The following TRPC5 variants were observed in gnomAD, a reference collection of about 807,000 sequenced individuals.
TRPC5 encodes transient receptor potential cation channel subfamily C member 5.
Under a neutral mutation model 56.5 loss-of-function variants are expected in TRPC5, and 9 were observed. The observed-to-expected ratio is 0.16, with a 90% CI of 0.10 to 0.28. The LOEUF is 0.28. TRPC5 is among the 10% of genes least tolerant of loss of function. TRPC5 has a pLI of 1.00. For missense variants in TRPC5, 469 were observed against 748.9 expected (o/e 0.63, Z 4.36); for synonymous variants, 282 against 278.5 (o/e 1.01, Z -0.13).
At position 111,974,258 on chromosome X, in the gene TRPC5, G is replaced by A. The variant is rs141891078; in HGVS notation, c.-21-21817C>T. 8.1e-3 allele frequency among the ~76,000 whole-genome samples: 903 copies of A among 111,744 alleles called. 9 individuals carry two copies. Among genetic ancestry groups the A allele is most frequent in the African/African-American group, 0.028 (851 of 30,713 alleles). ...ACCTTGAGAGAGTTTCCAGGTCATG[G>A]TTCAGGGAGAGGGAACTGAAGCAGA... On this transcript the variant is annotated intron_variant, in intron 1 of 10. Transcript: ENST00000262839.
chrX:111,892,832 C>T (rs1165432118), intron 3 of TRPC5, among the ~76,000 whole-genome samples: 1 of 111,773 alleles, frequency 8.9e-6, no homozygotes, highest in Non-Finnish European at 1.9e-5. Context: ...CCATGGGCAG[C>T]TATTCACTAG....
intron 7 of TRPC5, among the ~76,000 whole-genome samples, chrX:111,825,134 CCTTCCTTCCTTCCTTT>C (rs1261600927): frequency 1.3e-5 from 1 of 74,295 alleles, no homozygotes; most frequent in Non-Finnish European, 2.2e-5. Flanking sequence ...TCTTTTCCTT[CCTTCCTTCCTTCCTTT>C]CTTTCTTTCT....
At chrX:111,924,087 A>T (rs1356606779) in intron 2 of TRPC5, among the ~76,000 whole-genome samples, 1 of 112,078 alleles carries the variant, frequency 8.9e-6, no homozygotes, top group Non-Finnish European at 1.9e-5. Context: ...TCACATGACT[A>T]GTGTGAGATT....
At chrX:111,803,092 AC>A (rs1431085555) in intron 7 of TRPC5, among the ~76,000 whole-genome samples, 1 of 110,233 alleles carries the variant, frequency 9.1e-6, no homozygotes, top group East Asian at 2.9e-4. Context: ...TTCAATTCCC[AC>A]CTATGAGTGA....
intron 7 of TRPC5, among the ~76,000 whole-genome samples, chrX:111,792,463 A>C (rs1397590780): frequency 9.0e-6 from 1 of 111,460 alleles, no homozygotes; most frequent in Non-Finnish European, 1.9e-5. Flanking sequence ...ACCAGAACTT[A>C]AAATTTTAAA....
intron 1 of TRPC5, among the ~76,000 whole-genome samples, chrX:112,009,433 C>A (rs943952707): frequency 1.8e-5 from 2 of 111,531 alleles, no homozygotes; most frequent in African/African-American, 6.5e-5. Flanking sequence ...TTCTTAAACT[C>A]TCTTCCTCAT....
chrX:112,002,943 C>G (rs1304410654), intron 1 of TRPC5, among the ~76,000 whole-genome samples: 4 of 111,397 alleles, frequency 3.6e-5, no homozygotes, highest in African/African-American at 1.3e-4. Flanking sequence ...ATCTAGGTCC[C>G]CCTCCTACCT....
At chrX:111,920,663 G>A (rs764819917) in intron 2 of TRPC5, among the ~76,000 whole-genome samples, 1 of 111,387 alleles carries the variant, frequency 9.0e-6, no homozygotes, top group Admixed American at 9.5e-5. Context: ...CCTGAGCGGG[G>A]GGTATTTACA....
At chrX:112,003,782 A>AG (rs1228622599) in intron 1 of TRPC5, among the ~76,000 whole-genome samples, 3 of 111,497 alleles carry the variant, frequency 2.7e-5, no homozygotes, top group Non-Finnish European at 3.8e-5. Flanking sequence ...GGGAGCAATG[A>AG]GAAAAAGTTT....
intron 3 of TRPC5, among the ~76,000 whole-genome samples, chrX:111,863,815 C>A (rs1443988045): frequency 1.8e-5 from 2 of 111,461 alleles, no homozygotes; most frequent in African/African-American, 6.5e-5. Context: ...GTGTTTTTAT[C>A]ATGTAAGTTT....
At chrX:111,852,548 C>A in intron 4 of TRPC5, 111 bp from the exon 5 acceptor site, 1 of 866,185 alleles carries the variant, frequency 1.2e-6, no homozygotes, top group Non-Finnish European at 1.6e-6. Context: ...GAATTGGGGT[C>A]TCAGTGGAGT....
At chrX:111,921,797 C>T (rs1463486117) in intron 2 of TRPC5, among the ~76,000 whole-genome samples, 1 of 111,783 alleles carries the variant, frequency 8.9e-6, no homozygotes, top group East Asian at 2.8e-4. Context: ...GTTACACTGT[C>T]TTGCCTTTCC....
intron 1 of TRPC5, among the ~76,000 whole-genome samples, chrX:112,058,234 A>G (rs1930384472): frequency 8.9e-6 from 1 of 112,321 alleles, no homozygotes; most frequent in African/African-American, 3.2e-5. Flanking sequence ...GACATTCAGT[A>G]TAACAGGCCA....
intron 3 of TRPC5, among the ~76,000 whole-genome samples, chrX:111,855,910 C>T (rs1185294404): frequency 8.9e-6 from 1 of 111,814 alleles, no homozygotes; most frequent in African/African-American, 3.3e-5. Context: ...ACACCGAAAA[C>T]GATATGAACA....
At chrX:111,838,449 C>T (rs1922632251) in intron 6 of TRPC5, among the ~76,000 whole-genome samples, 1 of 110,631 alleles carries the variant, frequency 9.0e-6, no homozygotes, top group African/African-American at 3.3e-5. Context: ...AGGGCCACCA[C>T]TGGTGGTGGT....
chrX:111,892,182 T>C (rs1170135557), intron 3 of TRPC5, among the ~76,000 whole-genome samples: 1 of 112,318 alleles, frequency 8.9e-6, no homozygotes, highest in Non-Finnish European at 1.9e-5. Context: ...GATATATTCC[T>C]GAAGTTAGGG....
At chrX:111,953,407 TTGTCTTCAATCACATAG>T (rs1287949936) in intron 1 of TRPC5, among the ~76,000 whole-genome samples, 3 of 112,332 alleles carry the variant, frequency 2.7e-5, no homozygotes, top group African/African-American at 9.7e-5. Flanking sequence ...AAGATAGCCT[TTGTCTTCAATCACATAG>T]AATGAATCGC....
intron 1 of TRPC5, among the ~76,000 whole-genome samples, chrX:112,037,248 G>A (rs1929768884): frequency 9.0e-6 from 1 of 111,192 alleles, no homozygotes; most frequent in African/African-American, 3.3e-5. Context: ...TTTACCTGGT[G>A]GATCTTCTCT....
At chrX:111,807,617 T>C (rs1424306524) in intron 7 of TRPC5, among the ~76,000 whole-genome samples, 2 of 112,367 alleles carry the variant, frequency 1.8e-5, no homozygotes, top group East Asian at 5.6e-4. Context: ...GTGGATGCTC[T>C]TGATGCTGGT....
Sources: allele counts gnomAD v4.1 joint callset (sites outside exome capture counted in the v4.1 genomes callset), GRCh38; gene constraint gnomAD v4.1.1; transcripts MANE v1.5; gene names NCBI Gene and HGNC (gene_info 2026-07-23, HGNC 2026-07-21).